Variants in TRAF4 observed in about 807,000 individuals in gnomAD.
The protein encoded by TRAF4 is TNF receptor associated factor 4, also known as TNF receptor-associated factor 4.
A neutral mutation model predicts 47.3 loss-of-function variants in TRAF4; 9 were observed. The ratio of observed to expected loss-of-function variants is 0.19; its 90% confidence interval spans 0.11 to 0.33. TRAF4 has a LOEUF of 0.33. Among genes scored for constraint, TRAF4 ranks in the 10% least tolerant of loss-of-function variants. TRAF4 has a pLI of 1.00. For missense variants in TRAF4, 448 were observed against 620.3 expected, an observed-to-expected ratio of 0.72 and a Z score of 2.95; for synonymous variants, 236 against 236.9, an observed-to-expected ratio of 1.00 and a Z score of 0.04.
intron 1 of TRAF4, chr17:28,744,981 C>T (rs543144710): frequency 6.6e-6 from 1 of 152,434 alleles, no homozygotes; most frequent in South Asian, 2.1e-4. Context: ...TCTTGGGCAT[C>T]CATCAAGTTT....
chr17:28,744,150 AG>A lies in TRAF4; in HGVS notation c.39del (p.Lys13AsnfsTer91). The A allele has an allele frequency of 6.3e-7, 1 of 1,593,308 alleles. No individual in the cohort carries two copies. Among genetic ancestry groups the A allele is most frequent in the Non-Finnish European group, 8.5e-7 (1 of 1,177,272 alleles). The stretch of plus-strand genomic sequence containing the variant: ...GACTACAAGTTCCTGGAGAAGCCCA[AG>A]CGACGGCTGCTGTGCCCACTGTGCG... ...GFDYKFLEKP[K>X]RRLLCPLCGK... On this transcript the variant is annotated frameshift_variant, in exon 1 of 7. Coordinates refer to ENST00000262395, the MANE Select transcript of TRAF4 (RefSeq NM_004295.4). LOFTEE classifies it high-confidence loss of function.
chr17:28,747,431 G>A, intron 2 of TRAF4, 167 bp downstream of exon 2: 1 of 763,712 alleles, frequency 1.3e-6, no homozygotes. Flanking sequence ...TGCAAACGAG[G>A]CCCCTGTTTG....
In TRAF4 at chr17:28,749,315, G is replaced by T; in HGVS notation, c.1151G>T (p.Arg384Leu). 4 of 1,614,008 alleles carry T rather than the reference G, an allele frequency of 2.5e-6. No individual in the cohort carries two copies. Among genetic ancestry groups the T allele is most frequent in the Non-Finnish European group, 3.4e-6 (4 of 1,180,026 alleles). ...FDNLLEWPFA[R>L]RVTFSLLDQS... Reference sequence around the variant, plus strand: ...AATCTCCTTGAGTGGCCCTTTGCCCGCCGTGTCACCTTCTCCCTGCTGGAT... The same window carrying T: ...AATCTCCTTGAGTGGCCCTTTGCCCTCCGTGTCACCTTCTCCCTGCTGGAT... Residue 384 changes from arginine (R) to leucine (L), a missense_variant, in exon 7 of 7, where the codon CGC (arginine) becomes CTC (leucine). Coordinates refer to ENST00000262395, the MANE Select transcript of TRAF4 (RefSeq NM_004295.4).
chr17:28,748,354 C>T lies in TRAF4; in HGVS notation c.555C>T (p.Thr185=). Residue 185 remains threonine, a synonymous_variant, in exon 5 of 7, where the codon ACC becomes ACT. Coordinates refer to ENST00000262395, the MANE Select transcript of TRAF4 (RefSeq NM_004295.4). The part of the protein sequence containing the change: ...MMRRLLAQHA[T]SECPKRTQPC... ...GGCGGCTGCTGGCCCAGCATGCCAC[C>T]TCTGAGTGCCCCAAGCGCACTCAGC... 6.2e-7 allele frequency: 1 copy of T among 1,613,530 alleles called. No homozygotes were observed. Among genetic ancestry groups the T allele is most frequent in the Non-Finnish European group, 8.5e-7 (1 of 1,179,916 alleles).
chr17:28,748,909 C>T (rs774148378), intron 6 of TRAF4, 36 bp from the exon 7 acceptor site: 4 of 1,579,996 alleles, frequency 2.5e-6, no homozygotes, highest in South Asian at 1.2e-5. Context: ...TGATAACTCT[C>T]CTCCCTTCCC....
intron 1 of TRAF4, 133 bp downstream of exon 1, chr17:28,744,388 C>T: frequency 9.4e-7 from 1 of 1,061,930 alleles, no homozygotes; most frequent in Non-Finnish European, 1.3e-6. Context: ...CGCCCCGTGA[C>T]GTCACGGGGA....
In TRAF4 at chr17:28,748,501, G is replaced by A; in HGVS notation, c.625-10G>A. The A allele has an allele frequency of 1.9e-6, 3 of 1,612,052 alleles. No individual in the cohort carries two copies. The highest frequency in any genetic ancestry group is 2.5e-6 in the Non-Finnish European group (3 of 1,178,928). ...TATTGACTCCTGCCTCTCTACTTCT[G>A]TGGCCCCAGAGCCACCAGTACCAGT... On this transcript the variant is annotated splice_polypyrimidine_tract_variant and intron_variant, in intron 5 of 6. Coordinates refer to ENST00000262395, the MANE Select transcript of TRAF4 (RefSeq NM_004295.4).
At position 28,750,010 on chromosome 17, in the gene TRAF4, ATTTCC is replaced by A; in HGVS notation, c.*436_*440del. On this transcript the variant is annotated 3_prime_UTR_variant, in exon 7 of 7. Coordinates refer to ENST00000262395, the MANE Select transcript of TRAF4 (RefSeq NM_004295.4). ...CTAGCTGTGCCCCCTCTGGTTATTT[ATTTCC>A]TTAGTGCCAGGAGGGCACAGCAGGG... is the stretch of plus-strand genomic sequence containing the variant. The A allele has an allele frequency of 1.6e-6, 1 of 619,452 alleles. No individual in the cohort carries two copies. The highest frequency in any genetic ancestry group is 2.9e-6 in the Non-Finnish European group (1 of 341,252). The allele number at this position is 619,452 out of a possible 1,614,324, so 38.4% of individuals were successfully genotyped here. A position where few individuals can be genotyped will look rare whatever the true frequency, so the allele number is the denominator to read the frequency against.
chr17:28,745,955 C>T (rs2034507067), intron 1 of TRAF4, among the ~76,000 whole-genome samples: 1 of 152,248 alleles, frequency 6.6e-6, no homozygotes, highest in East Asian at 1.9e-4. Context: ...TTTCCCCACT[C>T]CTGCCTGAGC....
Position 28,744,209 on chromosome 17 carries a change from A to C in TRAF4, c.97A>C (p.Thr33Pro). ...KPMREPVQVS[T>P]CGHRFCDTCL... ...CATGCGCGAGCCTGTGCAGGTTTCC[A>C]CCTGCGGCCACCGTTTCTGCGATAC... is the stretch of plus-strand genomic sequence containing the variant. Residue 33 changes from threonine (T) to proline (P), a missense_variant, in exon 1 of 7, where the codon ACC becomes CCC. Coordinates refer to ENST00000262395, the MANE Select transcript of TRAF4 (RefSeq NM_004295.4). The C allele has an allele frequency of 1.3e-6, 2 of 1,571,708 alleles. No homozygotes were observed. The highest frequency in any genetic ancestry group is 1.7e-6 in the Non-Finnish European group (2 of 1,164,464).
At chr17:28,748,821 C>T in intron 6 of TRAF4, 124 bp from the exon 7 acceptor site, 6 of 1,479,650 alleles carry the variant, frequency 4.1e-6, no homozygotes, top group South Asian at 1.4e-5. Flanking sequence ...CTTCCTAACA[C>T]CCTCTGTCTT....
Position 28,744,288 on chromosome 17 carries a change from G to A in TRAF4, c.143+33G>A, listed in dbSNP as rs35305783. On this transcript the variant is annotated intron_variant, in intron 1 of 6. Coordinates refer to ENST00000262395, the MANE Select transcript of TRAF4 (RefSeq NM_004295.4). ...CCGGGGAGCAGGGGACAGCGGGGGC[G>A]GGGCGGGGCGGGGGGCGCCGCCTGG... The A allele has an allele frequency of 1.3e-4, 196 of 1,503,064 alleles. No homozygotes were observed. The African/African-American group carries it at 2.7e-3, about 20-fold the overall frequency. The allele number at this position is 1,503,064 out of a possible 1,614,324, so 93.1% of individuals were successfully genotyped here. A position where few individuals can be genotyped will look rare whatever the true frequency, so the allele number is the denominator to read the frequency against.
rs761021390 is a variant in TRAF4 at position 28,748,078 on chromosome 17, T to C, written c.362T>C (p.Leu121Pro). The change falls in exon 4 of 7, where the codon CTG becomes CCG. Residue 121 changes from leucine to proline, a missense_variant. Coordinates refer to ENST00000262395, the MANE Select transcript of TRAF4 (RefSeq NM_004295.4). ...TGCCCTAATCGCTGCCCCATGAAGC[T>C]GAGCCGCCGTGATCTACCTGCACAC... Reference protein sequence around the residue: ...IPCPNRCPMKLSRRDLPAHLQ... With the variant: ...IPCPNRCPMKPSRRDLPAHLQ... 2.5e-6 allele frequency: 4 copies of C among 1,614,030 alleles called. No individual in the cohort carries two copies. In the Admixed American group the frequency reaches 6.7e-5, roughly 27 times the overall value.
chr17:28,748,047 A>G lies in TRAF4; in HGVS notation c.331A>G (p.Ile111Val). Reference sequence around the variant, plus strand: ...CCTGAATACCTGCAGCTTCAATGTCATTCCCTGCCCTAATCGCTGCCCCAT... The same window carrying G: ...CCTGAATACCTGCAGCTTCAATGTCGTTCCCTGCCCTAATCGCTGCCCCAT... Reference protein sequence around the residue: ...GHLNTCSFNVIPCPNRCPMKL... With the variant: ...GHLNTCSFNVVPCPNRCPMKL... The change falls in exon 4 of 7, where the codon ATT (isoleucine) becomes GTT (valine). Residue 111 changes from isoleucine to valine, a missense_variant. By Grantham distance (29) the Ile-to-Val change is conservative. Transcript: ENST00000262395. 1 of 1,614,084 alleles carries G rather than the reference A, an allele frequency of 6.2e-7. No individual in the cohort carries two copies. The highest frequency in any genetic ancestry group is 8.5e-7 in the Non-Finnish European group (1 of 1,180,026).
chr17:28,744,299 G>T, intron 1 of TRAF4, 44 bp downstream of exon 1: 1 of 1,470,960 alleles, frequency 6.8e-7, no homozygotes, highest in Non-Finnish European at 9.1e-7. Context: ...GGGCGGGGCG[G>T]GGGGCGCCGC....
At chr17:28,747,720 CAA>C in intron 2 of TRAF4, 121 bp from the exon 3 acceptor site, 5 of 891,322 alleles carry the variant, frequency 5.6e-6, no homozygotes, top group Non-Finnish European at 8.6e-6. Flanking sequence ...TCAAGAGGGG[CAA>C]AGAGCCCAAG....
chr17:28,749,234 G>C lies in TRAF4; in HGVS notation c.1070G>C (p.Ser357Thr), dbSNP rs2034564516. ...TCTGCATTCCTCAATGGCAATGGCA[G>C]TGGTGAGGGCACACACCTCTCACTG... is the stretch of plus-strand genomic sequence containing the variant. The part of the protein sequence containing the change: ...QVSAFLNGNG[S>T]GEGTHLSLYI... Residue 357 changes from serine to threonine, a missense_variant, in exon 7 of 7, where the codon AGT becomes ACT. Physicochemically the swap from Ser to Thr is moderately conservative, Grantham distance 58. Coordinates refer to ENST00000262395, the MANE Select transcript of TRAF4 (RefSeq NM_004295.4). The C allele has an allele frequency of 6.2e-7, 1 of 1,614,028 alleles. No homozygotes were observed. Among genetic ancestry groups the C allele is most frequent in the Non-Finnish European group, 8.5e-7 (1 of 1,180,050 alleles).
chr17:28,744,425 C>G (rs1467730136), intron 1 of TRAF4, among the ~76,000 whole-genome samples, 170 bp downstream of exon 1: 1 of 98,636 alleles, frequency 1.0e-5, no homozygotes, highest in African/African-American at 3.4e-5. Flanking sequence ...CCGAGGGAGG[C>G]CCCCCCCGCA....
Position 28,744,129 on chromosome 17 carries a change from A to T in TRAF4, c.17A>T (p.Tyr6Phe), listed in dbSNP as rs1597810214. 1.9e-6 allele frequency: 3 copies of T among 1,582,570 alleles called. No individual in the cohort carries two copies. Among genetic ancestry groups the T allele is most frequent in the East Asian group, 2.3e-5 (1 of 43,044 alleles). ...TCGCCCGCCATGCCTGGCTTCGACT[A>T]CAAGTTCCTGGAGAAGCCCAAGCGA... MPGFD[Y>F]KFLEKPKRRL... is the part of the protein sequence containing the mutation. The change falls in exon 1 of 7, where the codon TAC (tyrosine) becomes TTC (phenylalanine). Residue 6 changes from tyrosine to phenylalanine, a missense_variant. Tyr to Phe is a conservative substitution (Grantham distance 22). Transcript: ENST00000262395.
Sources: allele counts gnomAD v4.1 joint callset (sites outside exome capture counted in the v4.1 genomes callset), GRCh38; gene constraint gnomAD v4.1.1; transcripts MANE v1.5; gene names NCBI Gene and HGNC (gene_info 2026-07-23, HGNC 2026-07-21).